The following TRPM8 variants were observed in gnomAD, a reference collection of about 807,000 sequenced individuals.
TRPM8 encodes TRPM8 cationic channel.
TRPM8 carries 110 observed loss-of-function variants against 133.7 expected under a neutral mutation model. The observed-to-expected ratio is 0.82, with a 90% CI of 0.70 to 0.96. The LOEUF (loss-of-function observed/expected upper bound fraction) is 0.96, where lower values mean the gene tolerates loss of function less well. TRPM8 is among the 40% of genes least tolerant of loss of function. The pLI is 0.00. For synonymous variants in TRPM8, 535 were observed against 532.3 expected (o/e 1.01, Z -0.07); for missense variants, 1,291 against 1,379.5 (o/e 0.94, Z 1.02).
chr2:233,939,172 A>C lies in TRPM8; in HGVS notation c.523A>C (p.Lys175Gln). The C allele has an allele frequency of 6.2e-7, 1 of 1,613,910 alleles. No individual in the cohort carries two copies. Among genetic ancestry groups the C allele is most frequent in the Non-Finnish European group, 8.5e-7 (1 of 1,179,974 alleles). The stretch of plus-strand genomic sequence containing the variant: ...CCGGCTCATCTACATCGCGCAGTCC[A>C]AAGGTGAGGGTGGGAGCAGCGACCG... ...FSRLIYIAQS[K>Q]GAWILTGGTH... The change falls in exon 5 of 26, where the codon AAA (lysine) becomes CAA (glutamine). Residue 175 changes from lysine to glutamine, a missense_variant. Physicochemically the swap from Lys to Gln is moderately conservative, Grantham distance 53 (BLOSUM62 1). Transcript: ENST00000324695.
At chr2:233,917,834 G>T (rs1457233225) in intron 1 of TRPM8, among the ~76,000 whole-genome samples, 1 of 152,020 alleles carries the variant, frequency 6.6e-6, no homozygotes, top group African/African-American at 2.4e-5. Context: ...GTTTTTTCTT[G>T]AATCAAGACT....
At chr2:233,983,395 G>A in intron 20 of TRPM8, 171 bp downstream of exon 20, 1 of 695,680 alleles carries the variant, frequency 1.4e-6, no homozygotes, top group South Asian at 1.7e-5. Flanking sequence ...TCTTAAGCAA[G>A]ATTTTACATC....
chr2:234,004,017 T>G (rs6721761), intron 22 of TRPM8, among the ~76,000 whole-genome samples: 100,867 of 151,994 alleles, frequency 0.66, 33,461 homozygotes, highest in Middle Eastern at 0.73. Context: ...AAGCACAATA[T>G]GACTATAAAA....
intron 3 of TRPM8, among the ~76,000 whole-genome samples, chr2:233,933,405 T>C (rs1357856078): frequency 1.3e-5 from 2 of 152,216 alleles, no homozygotes; most frequent in Non-Finnish European, 2.9e-5. Context: ...GTGGCTACCA[T>C]ATTGGACGGT....
intron 3 of TRPM8, among the ~76,000 whole-genome samples, chr2:233,935,882 G>A (rs1690722433): frequency 6.6e-6 from 1 of 152,196 alleles, no homozygotes; most frequent in Admixed American, 6.5e-5. Flanking sequence ...TGTCTTTGGA[G>A]ACCACATCTC....
intron 24 of TRPM8, among the ~76,000 whole-genome samples, chr2:234,010,132 G>T (rs28953469): frequency 0.2 from 31,140 of 152,006 alleles, 3,405 homozygotes; most frequent in Middle Eastern, 0.3. Context: ...AATATCACCT[G>T]ATTTGCCCCT....
At position 233,955,095 on chromosome 2, in the gene TRPM8, C is replaced by A. The variant is rs369013627; in HGVS notation, c.1244-37C>A. ...AATGGTTCTCACTCTTATTTCTGAG[C>A]CTTTGGTGAGTTGAGTCTTTTCCTG... is the stretch of plus-strand genomic sequence containing the variant. On this transcript the variant is annotated intron_variant, in intron 10 of 25. Coordinates refer to ENST00000324695, the MANE Select transcript of TRPM8 (RefSeq NM_024080.5). 41 of 1,498,214 alleles carry A rather than the reference C, an allele frequency of 2.7e-5. No homozygotes were observed. The African/African-American group carries it at 3.1e-4, about 11-fold the overall frequency. 92.8% of individuals were successfully genotyped at this position (1,498,214 alleles called of 1,614,324 possible).
chr2:234,015,356 A>T lies in TRPM8; in HGVS notation c.*42+702A>T, dbSNP rs943396729. 8.0e-3 allele frequency among the ~76,000 whole-genome samples: 1,176 copies of T among 147,166 alleles called. 9 individuals are homozygous for T. The highest frequency in any genetic ancestry group is 1.0e-2 in the Non-Finnish European group (663 of 66,482). On this transcript the variant is annotated intron_variant, in intron 25 of 25. Coordinates refer to ENST00000324695, the MANE Select transcript of TRPM8 (RefSeq NM_024080.5). ...GCAATGGGCATTCCACTGGATTAGA[A>T]TTTTTTTTTTTTTTGAGAAAGCAAA...
At chr2:233,926,475 G>A in intron 1 of TRPM8, 58 bp from the exon 2 acceptor site, 1 of 1,322,538 alleles carries the variant, frequency 7.6e-7, no homozygotes, top group Non-Finnish European at 1.1e-6. Context: ...GTGAAGCTTT[G>A]AAGGAAGCCC....
intron 17 of TRPM8, among the ~76,000 whole-genome samples, chr2:233,978,064 CAT>C (rs1409563388): frequency 1.3e-5 from 2 of 148,362 alleles, no homozygotes; most frequent in Non-Finnish European, 3.0e-5. Flanking sequence ...CTACTGTGTT[CAT>C]CACCTTACAA....
intron 24 of TRPM8, among the ~76,000 whole-genome samples, chr2:234,010,767 T>G (rs762763589): frequency 6.6e-6 from 1 of 152,246 alleles, no homozygotes; most frequent in African/African-American, 2.4e-5. Context: ...GTTTGACATT[T>G]GAATTTTTTC....
chr2:233,992,565 C>T (rs1692305637), intron 21 of TRPM8, among the ~76,000 whole-genome samples: 2 of 152,176 alleles, frequency 1.3e-5, no homozygotes. Flanking sequence ...TGTCCCTCTG[C>T]ATGGCCTCTC....
In TRPM8 at chr2:233,945,841, C is replaced by T. The variant is rs756364981; in HGVS notation, c.700-15C>T. On this transcript the variant is annotated splice_polypyrimidine_tract_variant and intron_variant, in intron 6 of 25. Coordinates refer to ENST00000324695, the MANE Select transcript of TRPM8 (RefSeq NM_024080.5). ...ATAATACAATCTCAAAGACAAGTTT[C>T]CCTGTACTTTTCAGGGCTATTTTTT... The T allele has an allele frequency of 6.2e-7, 1 of 1,604,274 alleles. No individual in the cohort carries two copies. The highest frequency in any genetic ancestry group is 8.5e-7 in the Non-Finnish European group (1 of 1,172,378).
intron 17 of TRPM8, among the ~76,000 whole-genome samples, chr2:233,974,944 T>C (rs1691831118): frequency 6.6e-6 from 1 of 151,968 alleles, no homozygotes; most frequent in South Asian, 2.1e-4. Context: ...GAAAAAACCA[T>C]CTGGAATTGC....
intron 16 of TRPM8, 47 bp downstream of exon 16, chr2:233,969,854 G>A: frequency 1.7e-6 from 2 of 1,156,860 alleles, no homozygotes; most frequent in South Asian, 1.2e-5. Flanking sequence ...GTGCCAGTGT[G>A]TGTACATGCA....
At chr2:234,008,176 C>G in intron 24 of TRPM8, 73 bp downstream of exon 24, 1 of 1,428,804 alleles carries the variant, frequency 7.0e-7, no homozygotes, top group Non-Finnish European at 9.6e-7. Flanking sequence ...AGCTAGAGGC[C>G]AGTAGTTGTG....
chr2:233,979,149 A>G (rs921131741), intron 17 of TRPM8, among the ~76,000 whole-genome samples: 5 of 152,212 alleles, frequency 3.3e-5, no homozygotes, highest in African/African-American at 1.2e-4. Context: ...TTCATTTAGT[A>G]ACATTAAGAA....
chr2:234,006,712 G>T (rs1156681951), intron 22 of TRPM8, 141 bp from the exon 23 acceptor site: 1 of 584,342 alleles, frequency 1.7e-6, no homozygotes, highest in Non-Finnish European at 3.1e-6. Flanking sequence ...TCACTAGGAA[G>T]TAACATCAGT....
chr2:233,967,251 T>C (rs1559533173), intron 15 of TRPM8, among the ~76,000 whole-genome samples: 1 of 152,210 alleles, frequency 6.6e-6, no homozygotes, highest in Non-Finnish European at 1.5e-5. Context: ...GGGAAACTAT[T>C]GTGAAATGGG....
Sources: gnomAD v4.1 joint callset for allele counts (sites outside exome capture counted in the v4.1 genomes callset) on GRCh38, gnomAD v4.1.1 for gene constraint, MANE v1.5 for transcripts, NCBI Gene and HGNC (gene_info 2026-07-23, HGNC 2026-07-21) for gene names.